TCF20: variants seen among roughly 807,000 people sequenced by gnomAD.
The protein encoded by TCF20 is transcription factor 20.
TCF20 carries 3 observed loss-of-function variants against 148.6 expected under a neutral mutation model. That is an observed-to-expected ratio of 0.02 (90% CI 0.01 to 0.05). The LOEUF (loss-of-function observed/expected upper bound fraction) is 0.05. TCF20 is among the 10% of genes least tolerant of loss of function. TCF20 has a pLI of 1.00. For missense variants in TCF20, 2,350 were observed against 2,429.3 expected, an observed-to-expected ratio of 0.97 and a Z score of 0.69; for synonymous variants, 1,049 against 909.5, an observed-to-expected ratio of 1.15 and a Z score of -2.76.
chr22:42,181,588 TC>T (rs951310122), intron 2 of TCF20, among the ~76,000 whole-genome samples: 8 of 141,362 alleles, frequency 5.7e-5, no homozygotes, highest in African/African-American at 1.9e-4. Flanking sequence ...CATTTTGCAC[TC>T]CCCCCAACCT....
In TCF20 at chr22:42,242,227, A is replaced by AAAAAAAT. The variant is rs1491280192; in HGVS notation, c.-36-26887_-36-26886insATTTTTT. ...CAAAAAAAAAAAAAAAAAAAAAAAA[A>AAAAAAAT]CAGAAAAGAAAGGGTGACTACAAGG... On this transcript the variant is annotated intron_variant, in intron 1 of 5. Transcript: ENST00000677622. Among the ~76,000 whole-genome samples, 452 of 122,700 alleles carry AAAAAAAT rather than the reference A, an allele frequency of 3.7e-3. 47 individuals are homozygous for AAAAAAAT. Among genetic ancestry groups the AAAAAAAT allele is most frequent in the African/African-American group, 6.0e-3 (187 of 31,324 alleles). 80.5% of individuals were successfully genotyped at this position (122,700 alleles called of 152,430 possible). A position where few individuals can be genotyped will look rare whatever the true frequency, so the allele number is the denominator to read the frequency against.
rs1397285607 is a variant in TCF20, at chr22:42,290,619, G to C, written c.-37+52860C>G. Among the ~76,000 whole-genome samples, 1 of 152,174 alleles carries C rather than the reference G, an allele frequency of 6.6e-6. No individual in the cohort carries two copies. The highest frequency in any genetic ancestry group is 2.4e-5 in the African/African-American group (1 of 41,444). ...GAGGGAAAGGCTTCTGGTTTCTGGA[G>C]GGTACCAGAGGAGAAGGAGCGCGTG... On this transcript the variant is annotated intron_variant, in intron 1 of 1. Coordinates refer to the TCF20 transcript ENST00000515426. The surrounding 1 kb of genome is among the most constrained non-coding windows in gnomAD (Gnocchi z 4.2).
In TCF20 at chr22:42,211,008, G is replaced by A. The variant is rs1281493609; in HGVS notation, c.4298C>T (p.Ser1433Phe). ...CACGCTGCCACGCCACTCTTCTGAAGACCTTGGAAGAGGTTTCTCTACGTG... is the reference window on the plus strand; with the variant it reads ...CACGCTGCCACGCCACTCTTCTGAAAACCTTGGAAGAGGTTTCTCTACGTG... ...ELHVEKPLPR[S>F]SEEWRGSVDD... The change falls in exon 2 of 6, where the codon TCT becomes TTT. Residue 1433 changes from serine (S) to phenylalanine (F), a missense_variant. By Grantham distance (155) the Ser-to-Phe change is radical (BLOSUM62 -2). This residue lies in a region of TCF20 where 231 missense variants were observed against 213.7 expected (regional missense o/e 1.08). Coordinates refer to ENST00000677622, the MANE Select transcript of TCF20 (RefSeq NM_001378418.1). The A allele has an allele frequency of 1.2e-6, 2 of 1,614,020 alleles. No homozygotes were observed. The highest frequency in any genetic ancestry group is 1.7e-6 in the Non-Finnish European group (2 of 1,180,044).
intron 2 of TCF20, among the ~76,000 whole-genome samples, chr22:42,200,376 G>A (rs1376158066): frequency 1.3e-5 from 2 of 152,052 alleles, no homozygotes; most frequent in Non-Finnish European, 2.9e-5. Flanking sequence ...GCCGGGTGTG[G>A]TGACTCACGC....
At chr22:42,294,727 C>G (rs1274424933) in intron 1 of TCF20, among the ~76,000 whole-genome samples, 2 of 152,250 alleles carry the variant, frequency 1.3e-5, no homozygotes, top group Non-Finnish European at 2.9e-5. Context: ...GATGTCCCAA[C>G]TCTGTAGATG....
intron 1 of TCF20, among the ~76,000 whole-genome samples, chr22:42,341,141 T>C (rs1021183567): frequency 1.3e-5 from 2 of 152,120 alleles, no homozygotes; most frequent in African/African-American, 4.8e-5. Flanking sequence ...AGCCCTGGCC[T>C]CTGCTCCTTG....
Position 42,279,684 on chromosome 22 carries a change from A to C in TCF20, c.-37+4143T>G, listed in dbSNP as rs1926858630. On this transcript the variant is annotated intron_variant, in intron 1 of 5. Transcript: ENST00000359486. The surrounding 1 kb of genome is among the most constrained non-coding windows in gnomAD (Gnocchi z 4.3). ...CTCAGGTGCTCCGTGAGGTGGGACG[A>C]TTCACCCCATGAGCAAACAGGCTCA... is the stretch of plus-strand genomic sequence containing the variant. Among the ~76,000 whole-genome samples, 1 of 151,974 alleles carries C rather than the reference A, an allele frequency of 6.6e-6. No individual in the cohort carries two copies. The highest frequency in any genetic ancestry group is 1.5e-5 in the Non-Finnish European group (1 of 68,008).
At chr22:42,182,516 G>A (rs770211475) in intron 2 of TCF20, among the ~76,000 whole-genome samples, 9 of 152,192 alleles carry the variant, frequency 5.9e-5, no homozygotes, top group Middle Eastern at 3.2e-3. Flanking sequence ...TCTGAACAAT[G>A]TCCATTTGCT....
At chr22:42,275,628 T>G (rs1926761928), upstream of TCF20, among the ~76,000 whole-genome samples, 1 of 152,172 alleles carries the variant, frequency 6.6e-6, no homozygotes, top group African/African-American at 2.4e-5. Flanking sequence ...AGTGATCCCA[T>G]TCACTCCTCA....
rs199847557 is a variant in TCF20, at chr22:42,161,357, A to G, written c.*46T>C. On this transcript the variant is annotated splice_region_variant and 3_prime_UTR_variant, in exon 6 of 6. Transcript: ENST00000677622. The stretch of plus-strand genomic sequence containing the variant: ...ACCACCTTCTCATCTCCACAGTCTC[A>G]CCTGGAAGACAAGGGACACACAGTG... The G allele has an allele frequency of 1.3e-5, 21 of 1,613,982 alleles. No homozygotes were observed. The highest frequency in any genetic ancestry group is 3.3e-4 in the Middle Eastern group (2 of 6,056).
In TCF20 at chr22:42,297,231, C is replaced by T. The variant is rs1239044154; in HGVS notation, c.-37+46248G>A. 6.6e-6 allele frequency among the ~76,000 whole-genome samples: 1 copy of T among 152,200 alleles called. No individual in the cohort carries two copies. Among genetic ancestry groups the T allele is most frequent in the Non-Finnish European group, 1.5e-5 (1 of 68,036 alleles). Reference sequence around the variant, plus strand: ...GGAAAATGGGCATGATCAGAGAGGGCTACGCTGTAGAACTGACCAGGGGGC... The same window carrying T: ...GGAAAATGGGCATGATCAGAGAGGGTTACGCTGTAGAACTGACCAGGGGGC... On this transcript the variant is annotated intron_variant, in intron 1 of 1. Coordinates refer to the TCF20 transcript ENST00000515426. The surrounding 1 kb of genome is among the most constrained non-coding windows in gnomAD (Gnocchi z 4.3).
At chr22:42,161,763 GA>G (rs1229998994) in intron 5 of TCF20, among the ~76,000 whole-genome samples, 2 of 152,180 alleles carry the variant, frequency 1.3e-5, no homozygotes, top group Non-Finnish European at 2.9e-5. Context: ...TCAATCTGTG[GA>G]AGAAACTTCT....
At chr22:42,246,500 TC>T (rs1459618139) in intron 1 of TCF20, among the ~76,000 whole-genome samples, 1 of 152,250 alleles carries the variant, frequency 6.6e-6, no homozygotes, top group Non-Finnish European at 1.5e-5. Context: ...GGACAAGTCT[TC>T]CCTACACCAA....
chr22:42,205,463 G>A (rs1235182856), intron 2 of TCF20, among the ~76,000 whole-genome samples: 1 of 152,094 alleles, frequency 6.6e-6, no homozygotes, highest in Non-Finnish European at 1.5e-5. Flanking sequence ...TAAATACATA[G>A]GCCAAAATGG....
chr22:42,247,177 T>C (rs1300589495), intron 1 of TCF20, among the ~76,000 whole-genome samples: 1 of 151,176 alleles, frequency 6.6e-6, no homozygotes, highest in East Asian at 2.0e-4. Flanking sequence ...CGGTGGCTCA[T>C]ACCTGTGATC....
chr22:42,168,861 C>T lies in TCF20; in HGVS notation c.5800-125G>A, dbSNP rs576141666. 3.3e-5 allele frequency: 42 copies of T among 1,282,090 alleles called. No individual in the cohort carries two copies. In the Middle Eastern group the frequency reaches 7.8e-4, roughly 24 times the overall value. The allele number at this position is 1,282,090 out of a possible 1,614,324, so 79.4% of individuals were successfully genotyped here. A position where few individuals can be genotyped will look rare whatever the true frequency, so the allele number is the denominator to read the frequency against. ...AAGAAAAGGCAGAGTCAGTCCTGAC[C>T]GACAAACAGGAGACATTCAGACAGG... On this transcript the variant is annotated intron_variant, in intron 4 of 5. Transcript: ENST00000677622.
chr22:42,166,609 C>CAAAAAAA (rs545755110), intron 5 of TCF20, among the ~76,000 whole-genome samples: 1 of 70,488 alleles, frequency 1.4e-5, no homozygotes, highest in African/African-American at 4.3e-5. Context: ...AATCCGTCTC[C>CAAAAAAA]AAAAAAAAAA....
intron 5 of TCF20, among the ~76,000 whole-genome samples, chr22:42,165,837 C>T (rs1254996473): frequency 1.3e-5 from 2 of 152,192 alleles, no homozygotes; most frequent in African/African-American, 4.8e-5. Context: ...CAGAAGAAAC[C>T]GAAGTACAGA....
upstream of TCF20, among the ~76,000 whole-genome samples, chr22:42,275,597 G>A (rs553550747): frequency 2.6e-5 from 4 of 152,302 alleles, no homozygotes; most frequent in Admixed American, 6.5e-5. Flanking sequence ...CCTGCCTCAG[G>A]GGAGTCGGCG....
Sources: gnomAD v4.1 joint callset for allele counts (sites outside exome capture counted in the v4.1 genomes callset) on GRCh38, gnomAD v4.1.1 for gene constraint, gnomAD v4.1.1 regional missense constraint, Gnocchi (gnomAD v3.1) non-coding constraint, MANE v1.5 for transcripts, NCBI Gene and HGNC (gene_info 2026-07-23, HGNC 2026-07-21) for gene names.